LDB2: variants seen among roughly 807,000 people sequenced by gnomAD.
The protein encoded by LDB2 is LIM domain-binding protein 2.
A neutral mutation model predicts 44.3 loss-of-function variants in LDB2; 12 were observed. The observed-to-expected ratio is 0.27, with a 90% CI of 0.17 to 0.44. LDB2 has a LOEUF of 0.44. Among genes scored for constraint, LDB2 ranks in the 20% least tolerant of loss-of-function variants. The probability of loss-of-function intolerance (pLI) is 1.00; values close to 1 mark genes in which losing one functional copy is unlikely to be tolerated. For synonymous variants in LDB2, 164 were observed against 174.8 expected (o/e 0.94, Z 0.49); for missense variants, 344 against 473.5 (o/e 0.73, Z 2.54).
chr4:16,634,624 C>A (rs991339344), intron 2 of LDB2, among the ~76,000 whole-genome samples: 2 of 152,064 alleles, frequency 1.3e-5, no homozygotes, highest in Non-Finnish European at 2.9e-5. Context: ...GAATGGCGAT[C>A]ATTAAAAAGT....
At chr4:16,505,777 G>A in intron 7 of LDB2, 1 of 1,461,952 alleles carries the variant, frequency 6.8e-7, no homozygotes, top group Non-Finnish European at 9.1e-7. Flanking sequence ...GAAGCCCGGA[G>A]GTGCCACCAG....
rs533950035 is a variant in LDB2, at chr4:16,706,811, A to G, written c.235+52347T>C. Reference sequence around the variant, plus strand: ...GTGTGAAGAAAACATTCAGAAAAATAAAATAGCAAGTACTGCAGCTCTCAG... The same window carrying G: ...GTGTGAAGAAAACATTCAGAAAAATGAAATAGCAAGTACTGCAGCTCTCAG... On this transcript the variant is annotated intron_variant, in intron 2 of 7. Coordinates refer to ENST00000304523, the MANE Select transcript of LDB2 (RefSeq NM_001290.5). 3.3e-5 allele frequency among the ~76,000 whole-genome samples: 5 copies of G among 152,296 alleles called. No homozygotes were observed. In the South Asian group the frequency reaches 1.0e-3, roughly 32 times the overall value.
At chr4:16,561,774 C>T (rs1404533292) in intron 5 of LDB2, among the ~76,000 whole-genome samples, 1 of 152,230 alleles carries the variant, frequency 6.6e-6, no homozygotes, top group East Asian at 1.9e-4. Context: ...CAATCCTAAG[C>T]CAAAAGAACA....
At chr4:16,600,186 A>G (rs868644897) in intron 2 of LDB2, among the ~76,000 whole-genome samples, 18 of 152,188 alleles carry the variant, frequency 1.2e-4, no homozygotes, top group African/African-American at 4.3e-4. Flanking sequence ...CGACAGCCAC[A>G]CCAGTTCCAA....
chr4:16,668,412 C>G (rs1026406614), intron 2 of LDB2, among the ~76,000 whole-genome samples: 2 of 152,162 alleles, frequency 1.3e-5, no homozygotes, highest in Admixed American at 6.5e-5. Flanking sequence ...TCCGTGATAG[C>G]TCTCAGTCTC....
intron 1 of LDB2, among the ~76,000 whole-genome samples, chr4:16,847,678 C>CG (rs1787328192): frequency 2.0e-5 from 3 of 152,232 alleles, no homozygotes; most frequent in South Asian, 4.2e-4. Flanking sequence ...ACTGCAGTGG[C>CG]GGATCTCGGC....
Position 16,534,743 on chromosome 4 carries a change from T to A in LDB2, c.616-22639A>T, listed in dbSNP as rs112164639. ...TGAGATGCCAAGAAAGAAGAGGATA[T>A]CCGACTCAGAAGTATTAGGACAGAT... is the stretch of plus-strand genomic sequence containing the variant. On this transcript the variant is annotated intron_variant, in intron 5 of 7. Coordinates refer to ENST00000304523, the MANE Select transcript of LDB2 (RefSeq NM_001290.5). 4.2e-3 allele frequency among the ~76,000 whole-genome samples: 639 copies of A among 152,282 alleles called. 13 individuals are homozygous for A. The highest frequency in any genetic ancestry group is 0.014 in the African/African-American group (597 of 41,568).
At chr4:16,665,253 C>T (rs371418856) in intron 2 of LDB2, among the ~76,000 whole-genome samples, 1 of 142,322 alleles carries the variant, frequency 7.0e-6, no homozygotes, top group Admixed American at 7.1e-5. Context: ...TAGATATTCT[C>T]TTTTTTTTTC....
At chr4:16,706,689 A>G (rs909406445) in intron 2 of LDB2, among the ~76,000 whole-genome samples, 1 of 152,204 alleles carries the variant, frequency 6.6e-6, no homozygotes, top group African/African-American at 2.4e-5. Context: ...AGGGGGACAT[A>G]AGAGAAGGAG....
chr4:16,559,186 A>C (rs1490569528), intron 5 of LDB2, among the ~76,000 whole-genome samples: 2 of 152,216 alleles, frequency 1.3e-5, no homozygotes, highest in Non-Finnish European at 2.9e-5. Flanking sequence ...CTAACATCAT[A>C]ATGACAGGAT....
intron 2 of LDB2, among the ~76,000 whole-genome samples, chr4:16,730,915 T>C (rs143665876): frequency 0.01 from 1,538 of 152,300 alleles, 31 homozygotes; most frequent in African/African-American, 0.034. Flanking sequence ...TTATCCCCCT[T>C]GACTGTCAAG....
At chr4:16,717,398 C>G (rs1757304012) in intron 2 of LDB2, among the ~76,000 whole-genome samples, 3 of 151,972 alleles carry the variant, frequency 2.0e-5, no homozygotes, top group Admixed American at 6.6e-5. Context: ...GCCTCCAACC[C>G]CAATCATACC....
intron 2 of LDB2, among the ~76,000 whole-genome samples, chr4:16,602,907 T>G (rs946755051): frequency 1.3e-5 from 2 of 152,174 alleles, no homozygotes; most frequent in Admixed American, 1.3e-4. Flanking sequence ...CTCTCCTGTT[T>G]CCCCATTGTC....
At chr4:16,550,209 T>C (rs1261853224) in intron 5 of LDB2, among the ~76,000 whole-genome samples, 2 of 152,260 alleles carry the variant, frequency 1.3e-5, no homozygotes, top group Non-Finnish European at 2.9e-5. Flanking sequence ...CTGAATTCTG[T>C]TGGCATATCA....
intron 2 of LDB2, among the ~76,000 whole-genome samples, chr4:16,635,710 C>T (rs1455386131): frequency 6.6e-6 from 1 of 152,116 alleles, no homozygotes; most frequent in African/African-American, 2.4e-5. Context: ...CCATACCTCT[C>T]TTTTTGTTAC....
intron 1 of LDB2, among the ~76,000 whole-genome samples, chr4:16,848,416 C>T (rs1415227539): frequency 6.6e-6 from 1 of 152,204 alleles, no homozygotes; most frequent in Non-Finnish European, 1.5e-5. Flanking sequence ...ATTTGGCACA[C>T]ATTTCTAAGA....
chr4:16,504,246 G>A (rs75195767), intron 7 of LDB2, among the ~76,000 whole-genome samples: 6,580 of 152,258 alleles, frequency 0.043, 188 homozygotes, highest in Admixed American at 0.067. Context: ...CCTACTGTCA[G>A]GAGAAGGACC....
At chr4:16,665,390 T>C (rs1451897156) in intron 2 of LDB2, among the ~76,000 whole-genome samples, 1 of 151,830 alleles carries the variant, frequency 6.6e-6, no homozygotes, top group Non-Finnish European at 1.5e-5. Context: ...CTCAGCCTCC[T>C]GAGTAATTGG....
chr4:16,658,560 A>G (rs1373200702), intron 2 of LDB2, among the ~76,000 whole-genome samples: 1 of 152,174 alleles, frequency 6.6e-6, no homozygotes, highest in Middle Eastern at 3.4e-3. Flanking sequence ...TTTTTCCTAA[A>G]GCCTGAAATT....
Sources: gnomAD v4.1 joint callset for allele counts (sites outside exome capture counted in the v4.1 genomes callset) on GRCh38, gnomAD v4.1.1 for gene constraint, MANE v1.5 for transcripts, NCBI Gene and HGNC (gene_info 2026-07-23, HGNC 2026-07-21) for gene names.